Variants in IMMP2L observed in about 807,000 individuals in gnomAD.
The protein encoded by IMMP2L is mitochondrial inner membrane protease subunit 2.
IMMP2L carries 18 observed loss-of-function variants against 19.3 expected under a neutral mutation model. The observed-to-expected ratio is 0.93, with a 90% CI of 0.64 to 1.38. IMMP2L has a LOEUF of 1.38. Ranked by LOEUF, IMMP2L falls within the 40% of genes most tolerant of loss-of-function variation. The pLI is 0.00. For synonymous variants in IMMP2L, 76 were observed against 73.0 expected, an observed-to-expected ratio of 1.04 and a Z score of -0.21; for missense variants, 233 against 218.2, an observed-to-expected ratio of 1.07 and a Z score of -0.43.
chr7:111,535,579 G>C (rs1231113148), intron 1 of IMMP2L, among the ~76,000 whole-genome samples: 2 of 152,114 alleles, frequency 1.3e-5, no homozygotes, highest in Non-Finnish European at 1.5e-5. Context: ...GGCAGGAAAA[G>C]GGACTAATCC....
At chr7:111,448,269 C>T (rs1438027462) in intron 3 of IMMP2L, among the ~76,000 whole-genome samples, 9 of 124,336 alleles carry the variant, frequency 7.2e-5, no homozygotes, top group African/African-American at 3.1e-4. Context: ...TTTTCAGCAC[C>T]ACACCACACC....
At chr7:111,277,426 A>G (rs923601961) in intron 3 of IMMP2L, among the ~76,000 whole-genome samples, 1 of 152,082 alleles carries the variant, frequency 6.6e-6, no homozygotes, top group Non-Finnish European at 1.5e-5. Context: ...TGACTATTAA[A>G]AAGTCTAAAA....
chr7:111,124,928 T>TAA, intron 3 of IMMP2L: 5 of 1,198,618 alleles, frequency 4.2e-6, no homozygotes, highest in South Asian at 2.9e-5. Context: ...ACTCCAAAAA[T>TAA]GAACAAAAAA....
intron 3 of IMMP2L, among the ~76,000 whole-genome samples, chr7:111,449,046 C>A (rs1325966397): frequency 6.6e-6 from 1 of 151,564 alleles, no homozygotes; most frequent in Admixed American, 6.6e-5. Flanking sequence ...ATAACAGGAG[C>A]TAAAATTGTG....
intron 4 of IMMP2L, among the ~76,000 whole-genome samples, chr7:110,901,657 G>A (rs1811875043): frequency 6.6e-6 from 1 of 152,060 alleles, no homozygotes; most frequent in Non-Finnish European, 1.5e-5. Context: ...TACATTTTTA[G>A]AAAAAGTGGA....
chr7:110,878,535 T>C (rs1486064794), intron 5 of IMMP2L, among the ~76,000 whole-genome samples: 1 of 146,968 alleles, frequency 6.8e-6, no homozygotes, highest in African/African-American at 2.4e-5. Flanking sequence ...TTTACACTTA[T>C]TTTCATCTAC....
At chr7:111,551,379 G>A (rs1849436052) in intron 1 of IMMP2L, among the ~76,000 whole-genome samples, 1 of 152,026 alleles carries the variant, frequency 6.6e-6, no homozygotes, top group Non-Finnish European at 1.5e-5. Context: ...TTACCAAACT[G>A]GGCAAGAGTT....
At chr7:111,490,289 T>C (rs1842989380) in intron 2 of IMMP2L, among the ~76,000 whole-genome samples, 1 of 150,768 alleles carries the variant, frequency 6.6e-6, no homozygotes, top group African/African-American at 2.4e-5. Flanking sequence ...TTTTTCCTTT[T>C]TTTTTTTTTA....
intron 1 of IMMP2L, among the ~76,000 whole-genome samples, chr7:111,527,893 A>G (rs543022205): frequency 4.6e-5 from 7 of 151,744 alleles, no homozygotes; most frequent in African/African-American, 1.4e-4. Context: ...CAAGGAAGCA[A>G]GAGCAATAAA....
intron 3 of IMMP2L, among the ~76,000 whole-genome samples, chr7:111,224,615 A>C (rs1586912395): frequency 6.6e-6 from 1 of 152,126 alleles, no homozygotes; most frequent in Non-Finnish European, 1.5e-5. Flanking sequence ...TGTTTTCTTT[A>C]AAGCAGTGGC....
chr7:110,743,671 G>A (rs1006478180), intron 5 of IMMP2L, among the ~76,000 whole-genome samples: 11 of 152,300 alleles, frequency 7.2e-5, no homozygotes, highest in Admixed American at 2.6e-4. Context: ...CACCTCACCC[G>A]GGAAGTGCAA....
At chr7:111,195,393 T>G (rs1203043258) in intron 3 of IMMP2L, among the ~76,000 whole-genome samples, 1 of 152,022 alleles carries the variant, frequency 6.6e-6, no homozygotes, top group Non-Finnish European at 1.5e-5. Context: ...CAGCTGCTTC[T>G]AAAGACTAAG....
intron 5 of IMMP2L, among the ~76,000 whole-genome samples, chr7:110,721,025 A>G (rs1300419190): frequency 6.7e-6 from 1 of 150,100 alleles, no homozygotes; most frequent in African/African-American, 2.5e-5. Flanking sequence ...TATTCAATAT[A>G]TAAAAATAGT....
rs375916362 is a variant in IMMP2L at position 111,402,974 on chromosome 7, G to A, written c.239+84264C>T. Among the ~76,000 whole-genome samples the A allele has an allele frequency of 4.5e-4, 65 of 146,006 alleles. 2 individuals are homozygous for A. The South Asian group carries it at 0.013, about 30-fold the overall frequency. On this transcript the variant is annotated intron_variant, in intron 3 of 5. Coordinates refer to ENST00000405709, the MANE Select transcript of IMMP2L (RefSeq NM_032549.4). Reference sequence around the variant, plus strand: ...GTCTGGAGTGCTGTGGTGCAATCTCGGCTCACTGCAGCCTTGACCCCCCCC... The same window carrying A: ...GTCTGGAGTGCTGTGGTGCAATCTCAGCTCACTGCAGCCTTGACCCCCCCC...
chr7:111,235,854 T>C (rs755844234), intron 3 of IMMP2L, among the ~76,000 whole-genome samples: 8 of 152,086 alleles, frequency 5.3e-5, no homozygotes, highest in Non-Finnish European at 8.8e-5. Flanking sequence ...GTTCACTGAT[T>C]GTCTCTTTTT....
intron 5 of IMMP2L, among the ~76,000 whole-genome samples, chr7:110,859,921 T>A (rs115249615): frequency 4.7e-4 from 71 of 152,246 alleles, no homozygotes; most frequent in African/African-American, 1.6e-3. Flanking sequence ...TAAAAAATTA[T>A]GAATTGTACT....
intron 3 of IMMP2L, among the ~76,000 whole-genome samples, chr7:111,334,543 T>C (rs2130709960): frequency 6.6e-6 from 1 of 152,208 alleles, no homozygotes; most frequent in East Asian, 1.9e-4. Context: ...TTTCTATCAA[T>C]GAAATTTTAA....
chr7:111,201,298 G>A (rs746357737), intron 3 of IMMP2L, among the ~76,000 whole-genome samples: 3 of 151,036 alleles, frequency 2.0e-5, no homozygotes, highest in African/African-American at 4.9e-5. Context: ...AAAAAACTGC[G>A]TCAATTTCAG....
chr7:111,129,680 G>A (rs893040484), intron 3 of IMMP2L, among the ~76,000 whole-genome samples: 3 of 152,074 alleles, frequency 2.0e-5, no homozygotes, highest in Non-Finnish European at 4.4e-5. Flanking sequence ...TTTGGGAAAA[G>A]ACAGAACTGA....
Sources: allele counts gnomAD v4.1 joint callset (sites outside exome capture counted in the v4.1 genomes callset), GRCh38; gene constraint gnomAD v4.1.1; transcripts MANE v1.5; gene names NCBI Gene and HGNC (gene_info 2026-07-23, HGNC 2026-07-21).